CACHD1: variants seen among roughly 807,000 people sequenced by gnomAD.
CACHD1 encodes cache domain containing 1, also known as VWFA and cache domain-containing protein 1.
CACHD1 carries 71 observed loss-of-function variants against 138.7 expected under a neutral mutation model. The observed-to-expected ratio is 0.51, with a 90% CI of 0.42 to 0.62. The LOEUF (loss-of-function observed/expected upper bound fraction) is 0.62, where lower values mean the gene tolerates loss of function less well. Ranked by LOEUF, CACHD1 falls within the 20% of genes least tolerant of loss-of-function variation. The pLI, the probability that CACHD1 is intolerant of heterozygous loss-of-function variation, is 0.00. For missense variants in CACHD1, 1,389 were observed against 1,625.3 expected (o/e 0.85, Z 2.50); for synonymous variants, 578 against 591.5 (o/e 0.98, Z 0.33).
chr1:64,575,111 TAAG>T lies in CACHD1; in HGVS notation c.262-7042_262-7040del, dbSNP rs1262525525. Among the ~76,000 whole-genome samples the T allele has an allele frequency of 5.3e-5, 8 of 152,322 alleles. No individual in the cohort carries two copies. In the East Asian group the frequency reaches 1.5e-3, roughly 29 times the overall value. On this transcript the variant is annotated intron_variant, in intron 2 of 26. Coordinates refer to ENST00000651257, the MANE Select transcript of CACHD1 (RefSeq NM_020925.4). ...GGCCAGAGACTGTCCACTATGATAGTAAGAATAATCCCTTGTATTTGTCCTAGC... is the reference window on the plus strand; with the variant it reads ...GGCCAGAGACTGTCCACTATGATAGTAATAATCCCTTGTATTTGTCCTAGC...
Position 64,675,971 on chromosome 1 carries a change from A to G in CACHD1, c.2963A>G (p.Asn988Ser), listed in dbSNP as rs768465225. 7.5e-7 allele frequency: 1 copy of G among 1,338,478 alleles called. No individual in the cohort carries two copies. The highest frequency in any genetic ancestry group is 9.9e-7 in the Non-Finnish European group (1 of 1,009,514). The allele number at this position is 1,338,478 out of a possible 1,614,324, so 82.9% of individuals were successfully genotyped here. A position where few individuals can be genotyped will look rare whatever the true frequency, so the allele number is the denominator to read the frequency against. The change falls in exon 21 of 27, where the codon AAT (asparagine) becomes AGT (serine). Residue 988 changes from asparagine (N) to serine (S), a missense_variant. Transcript: ENST00000651257. ...AATGAGTGCACTGGCAACCTCACCA[A>G]TGCAGAGAACCGGTAAAATAATTAA... ...EVNECTGNLT[N>S]AENRNPSCEV...
At chr1:64,607,690 CCT>C in intron 4 of CACHD1, among the ~76,000 whole-genome samples, 1 of 152,162 alleles carries the variant, frequency 6.6e-6, no homozygotes, top group South Asian at 2.1e-4. Flanking sequence ...CAGTAGAGGA[CCT>C]AGAAGCACAG....
chr1:64,628,566 C>G (rs1262468481), intron 4 of CACHD1, among the ~76,000 whole-genome samples: 1 of 152,056 alleles, frequency 6.6e-6, no homozygotes, highest in African/African-American at 2.4e-5. Context: ...GGCACTTGGG[C>G]TGAGGGAATG....
chr1:64,641,038 A>G (rs943589013), intron 7 of CACHD1, among the ~76,000 whole-genome samples: 3 of 151,646 alleles, frequency 2.0e-5, no homozygotes, highest in African/African-American at 7.3e-5. Flanking sequence ...TTTTGTTTTC[A>G]TTTTGTGTGT....
chr1:64,524,927 G>A (rs976243320), intron 1 of CACHD1, among the ~76,000 whole-genome samples: 5 of 151,282 alleles, frequency 3.3e-5, no homozygotes, highest in Non-Finnish European at 7.4e-5. Flanking sequence ...TTCAGATGAG[G>A]AAACTGAGTA....
chr1:64,519,318 C>A (rs1014618354), intron 1 of CACHD1, among the ~76,000 whole-genome samples: 1 of 152,082 alleles, frequency 6.6e-6, no homozygotes, highest in African/African-American at 2.4e-5. Flanking sequence ...GGTAGTGGAG[C>A]CTTTCGATTG....
chr1:64,566,481 C>CCCCCCT (rs1646881979), intron 2 of CACHD1, among the ~76,000 whole-genome samples: 1 of 49,048 alleles, frequency 2.0e-5, no homozygotes, highest in South Asian at 9.2e-4. Flanking sequence ...TTTTCAATTC[C>CCCCCCT]CCCCCCCCCA....
chr1:64,494,000 A>G (rs1301954314), intron 1 of CACHD1, among the ~76,000 whole-genome samples: 1 of 152,206 alleles, frequency 6.6e-6, no homozygotes, highest in African/African-American at 2.4e-5. Context: ...AGAGCTGGGA[A>G]GGACCTGCTC....
intron 1 of CACHD1, among the ~76,000 whole-genome samples, chr1:64,526,018 A>G (rs1165823724): frequency 1.3e-5 from 2 of 152,222 alleles, no homozygotes; most frequent in African/African-American, 4.8e-5. Flanking sequence ...ATAAAAATCT[A>G]TGCCAGCATT....
At chr1:64,484,169 G>C (rs1275875429) in intron 1 of CACHD1, among the ~76,000 whole-genome samples, 1 of 151,932 alleles carries the variant, frequency 6.6e-6, no homozygotes, top group African/African-American at 2.4e-5. Context: ...TAGCGGGAGC[G>C]ACAACTCTAA....
At chr1:64,523,785 T>C (rs983893433) in intron 1 of CACHD1, among the ~76,000 whole-genome samples, 6 of 152,338 alleles carry the variant, frequency 3.9e-5, no homozygotes, top group African/African-American at 1.4e-4. Context: ...TCAGAAATAG[T>C]CTGTGGAGAA....
intron 1 of CACHD1, among the ~76,000 whole-genome samples, chr1:64,530,043 T>G (rs1373815102): frequency 6.6e-6 from 1 of 152,250 alleles, no homozygotes; most frequent in Non-Finnish European, 1.5e-5. Context: ...TAGTGTTTAC[T>G]GAAGTAGCAC....
At chr1:64,680,871 G>A (rs1314621042) in intron 24 of CACHD1, among the ~76,000 whole-genome samples, 2 of 152,210 alleles carry the variant, frequency 1.3e-5, no homozygotes, top group Non-Finnish European at 2.9e-5. Flanking sequence ...GAGGATGACC[G>A]TCATCCAGTG....
rs537841931 is a variant in CACHD1, at chr1:64,543,806, C to T, written c.199-6788C>T. Among the ~76,000 whole-genome samples, 15 of 147,914 alleles carry T rather than the reference C, an allele frequency of 1.0e-4. No individual in the cohort carries two copies. The South Asian group carries it at 3.3e-3, about 32-fold the overall frequency. ...GGGTATACTTAGGGAAGAATACAGT[C>T]ATACACATTTTATTTCTTAAAATAC... On this transcript the variant is annotated intron_variant, in intron 1 of 26. Coordinates refer to ENST00000651257, the MANE Select transcript of CACHD1 (RefSeq NM_020925.4).
intron 26 of CACHD1, among the ~76,000 whole-genome samples, chr1:64,690,568 G>A (rs575866057): frequency 6.6e-6 from 1 of 152,132 alleles, no homozygotes; most frequent in African/African-American, 2.4e-5. Context: ...ATGGGGTGGG[G>A]GGCAGCTAAC....
At chr1:64,679,971 C>T (rs1006665019) in intron 24 of CACHD1, among the ~76,000 whole-genome samples, 2 of 152,200 alleles carry the variant, frequency 1.3e-5, no homozygotes, top group African/African-American at 2.4e-5. Flanking sequence ...CCTCTCCTTA[C>T]CAGCATTAGC....
chr1:64,486,250 T>C (rs1646241183), intron 1 of CACHD1, among the ~76,000 whole-genome samples: 1 of 152,152 alleles, frequency 6.6e-6, no homozygotes. Flanking sequence ...TTATTAAATT[T>C]GTAGCATTAT....
intron 1 of CACHD1, among the ~76,000 whole-genome samples, chr1:64,531,724 T>C (rs1406338380): frequency 1.3e-5 from 2 of 152,222 alleles, no homozygotes; most frequent in African/African-American, 4.8e-5. Context: ...TCTTTGTTGC[T>C]CAAACATGGA....
In CACHD1 at chr1:64,691,313, C is replaced by G. The variant is rs1446952811; in HGVS notation, c.3587-10C>G. On this transcript the variant is annotated splice_polypyrimidine_tract_variant and intron_variant, in intron 26 of 26. Coordinates refer to ENST00000651257, the MANE Select transcript of CACHD1 (RefSeq NM_020925.4). ...CTCTCAGCTGTGTGTTTGTTTTGTT[C>G]TTTTTCTAGGTTACAGCACCATGAG... 6.2e-7 allele frequency: 1 copy of G among 1,612,110 alleles called. No individual in the cohort carries two copies. The highest frequency in any genetic ancestry group is 2.2e-5 in the East Asian group (1 of 44,852).
Sources: gnomAD v4.1 joint callset for allele counts (sites outside exome capture counted in the v4.1 genomes callset) on GRCh38, gnomAD v4.1.1 for gene constraint, MANE v1.5 for transcripts, NCBI Gene and HGNC (gene_info 2026-07-23, HGNC 2026-07-21) for gene names.